ZNF277: variants seen among roughly 807,000 people sequenced by gnomAD.
ZNF277 encodes the protein nuclear receptor-interacting factor 4.
In ZNF277, 55 loss-of-function variants were observed where a neutral mutation model predicts 60.7. The ratio of observed to expected loss-of-function variants is 0.91; its 90% CI spans 0.73 to 1.13. The LOEUF (loss-of-function observed/expected upper bound fraction) is 1.13, where lower values mean the gene tolerates loss of function less well. Among genes scored for constraint, ZNF277 ranks in the 50% most tolerant of loss-of-function variants. The pLI is 0.00. For missense variants in ZNF277, 510 were observed against 523.0 expected (o/e 0.98, Z 0.24); for synonymous variants, 178 against 179.3 (o/e 0.99, Z 0.06).
chr7:112,235,199 C>T (rs115177668), intron 1 of ZNF277, among the ~76,000 whole-genome samples: 1,782 of 152,074 alleles, frequency 0.012, 38 homozygotes, highest in African/African-American at 0.041. Context: ...TTGAGGTCTT[C>T]AGTCTGCCTG....
chr7:112,282,132 A>G (rs1791960338), intron 1 of ZNF277, among the ~76,000 whole-genome samples: 1 of 152,230 alleles, frequency 6.6e-6, no homozygotes, highest in Non-Finnish European at 1.5e-5. Flanking sequence ...CACCAGCTAC[A>G]TGAAAATACA....
At chr7:112,288,463 A>G (rs1792121009) in intron 2 of ZNF277, 1 of 152,166 alleles carries the variant, frequency 6.6e-6, no homozygotes. Context: ...GCTGACTATG[A>G]AAGTAGGAAA....
chr7:112,314,471 G>C (rs1363978913), intron 4 of ZNF277, among the ~76,000 whole-genome samples: 1 of 152,048 alleles, frequency 6.6e-6, no homozygotes, highest in Non-Finnish European at 1.5e-5. Context: ...ATTGTATGAG[G>C]AAGAAATGTG....
intron 1 of ZNF277, among the ~76,000 whole-genome samples, chr7:112,267,908 T>G (rs1465835080): frequency 1.3e-5 from 2 of 152,188 alleles, no homozygotes; most frequent in African/African-American, 4.8e-5. Context: ...AGTGAAATTC[T>G]CAAGCATCAG....
chr7:112,342,867 T>A lies in ZNF277; in HGVS notation c.*138T>A. On this transcript the variant is annotated 3_prime_UTR_variant, in exon 12 of 12. Transcript: ENST00000361822. ...CTTGGTGAAATAAACTTTTCAAAAATGAATGTTCTTTTCAAAAAATAAAGT... is the reference window on the plus strand; with the variant it reads ...CTTGGTGAAATAAACTTTTCAAAAAAGAATGTTCTTTTCAAAAAATAAAGT... 1.6e-6 allele frequency: 1 copy of A among 631,750 alleles called. No homozygotes were observed. Among genetic ancestry groups the A allele is most frequent in the Non-Finnish European group, 2.3e-6 (1 of 432,032 alleles). 39.1% of individuals were successfully genotyped at this position (631,750 alleles called of 1,614,324 possible). A position where few individuals can be genotyped will look rare whatever the true frequency, so the allele number is the denominator to read the frequency against.
chr7:112,280,994 G>C (rs1472395406), intron 1 of ZNF277, among the ~76,000 whole-genome samples: 2 of 152,156 alleles, frequency 1.3e-5, no homozygotes, highest in Admixed American at 6.5e-5. Flanking sequence ...GAAGTAATCT[G>C]TCAGACAAAT....
intron 7 of ZNF277, among the ~76,000 whole-genome samples, chr7:112,330,743 T>A (rs6944662): frequency 6.6e-6 from 1 of 151,196 alleles, no homozygotes; most frequent in Non-Finnish European, 1.5e-5. Flanking sequence ...TACACCACAC[T>A]TGGCTAATTT....
chr7:112,327,366 G>A (rs780811772), intron 5 of ZNF277, among the ~76,000 whole-genome samples: 2 of 152,184 alleles, frequency 1.3e-5, no homozygotes, highest in Non-Finnish European at 2.9e-5. Context: ...AGGAGGCGGA[G>A]CGCAGGTGGT....
chr7:112,248,112 G>A (rs1369400803), intron 1 of ZNF277, among the ~76,000 whole-genome samples: 1 of 152,146 alleles, frequency 6.6e-6, no homozygotes, highest in Non-Finnish European at 1.5e-5. Flanking sequence ...TTGGAGAGTT[G>A]GGTAATGATT....
chr7:112,216,699 C>A (rs964841020), intron 1 of ZNF277, among the ~76,000 whole-genome samples: 2 of 152,164 alleles, frequency 1.3e-5, no homozygotes, highest in Non-Finnish European at 2.9e-5. Context: ...CCTTTCAACT[C>A]CATCTTCCAA....
chr7:112,298,346 A>T (rs1285160854), intron 4 of ZNF277, among the ~76,000 whole-genome samples: 2 of 152,182 alleles, frequency 1.3e-5, no homozygotes, highest in African/African-American at 4.8e-5. Flanking sequence ...AATGAGAAGG[A>T]TTTGGATAGT....
At chr7:112,206,837 A>C in intron 1 of ZNF277, 30 bp downstream of exon 1, 2 of 1,605,022 alleles carry the variant, frequency 1.2e-6, no homozygotes, top group Non-Finnish European at 1.7e-6. Flanking sequence ...GGCGCGGCTG[A>C]TGTGTCTTCC....
intron 5 of ZNF277, among the ~76,000 whole-genome samples, chr7:112,327,050 A>C (rs1793112943): frequency 6.6e-6 from 1 of 152,174 alleles, no homozygotes; most frequent in South Asian, 2.1e-4. Flanking sequence ...GTCATTGTCC[A>C]ATGATACTCT....
intron 2 of ZNF277, among the ~76,000 whole-genome samples, chr7:112,294,661 G>A (rs1203609689): frequency 1.3e-5 from 2 of 152,058 alleles, no homozygotes; most frequent in Middle Eastern, 3.2e-3. Flanking sequence ...TATTCATTCA[G>A]TGTATTTTTA....
At chr7:112,209,079 C>T (rs943476412) in intron 1 of ZNF277, among the ~76,000 whole-genome samples, 17 of 152,098 alleles carry the variant, frequency 1.1e-4, no homozygotes, top group African/African-American at 3.9e-4. Flanking sequence ...AACCCTTCCA[C>T]GTCAGTACAT....
chr7:112,328,601 T>C (rs542423301), intron 6 of ZNF277, among the ~76,000 whole-genome samples: 26 of 152,216 alleles, frequency 1.7e-4, no homozygotes, highest in Admixed American at 5.2e-4. Flanking sequence ...CCGGGTGTGG[T>C]AGCTCACACC....
At chr7:112,273,000 A>T (rs536334313) in intron 1 of ZNF277, among the ~76,000 whole-genome samples, 118 of 152,276 alleles carry the variant, frequency 7.7e-4, no homozygotes, top group African/African-American at 2.7e-3. Context: ...ATTATCAGTG[A>T]TGTTGAGCAA....
chr7:112,262,247 CA>C (rs376386868), intron 1 of ZNF277, among the ~76,000 whole-genome samples: 6,674 of 77,656 alleles, frequency 0.086, 177 homozygotes, highest in East Asian at 0.17. Context: ...AAAAGCAATA[CA>C]AAAAAAAAAA....
chr7:112,218,228 T>C (rs1821937551), intron 1 of ZNF277, among the ~76,000 whole-genome samples: 1 of 152,222 alleles, frequency 6.6e-6, no homozygotes, highest in Non-Finnish European at 1.5e-5. Flanking sequence ...GATCAAAGTT[T>C]AATCAGGTAA....
Sources: gnomAD v4.1 joint callset for allele counts (sites outside exome capture counted in the v4.1 genomes callset) on GRCh38, gnomAD v4.1.1 for gene constraint, MANE v1.5 for transcripts, NCBI Gene and HGNC (gene_info 2026-07-23, HGNC 2026-07-21) for gene names.